The following AK8 variants were observed in gnomAD, a reference collection of about 807,000 sequenced individuals.
AK8 encodes adenylate kinase 8.
AK8 carries 44 observed loss-of-function variants against 54.6 expected under a neutral mutation model. That is an observed-to-expected ratio of 0.81 (90% CI 0.63 to 1.04). The LOEUF (loss-of-function observed/expected upper bound fraction) is 1.04, where lower values mean the gene tolerates loss of function less well. Ranked by LOEUF, AK8 falls within the 50% of genes least tolerant of loss-of-function variation. The pLI is 0.00. For missense variants in AK8, 555 were observed against 613.6 expected, an observed-to-expected ratio of 0.90 and a Z score of 1.01; for synonymous variants, 239 against 245.6, an observed-to-expected ratio of 0.97 and a Z score of 0.25.
At chr9:132,764,780 T>C (rs1838645786) in intron 11 of AK8, among the ~76,000 whole-genome samples, 1 of 152,180 alleles carries the variant, frequency 6.6e-6, no homozygotes, top group Non-Finnish European at 1.5e-5. Context: ...CACAATTCCT[T>C]TTGCACCAAC....
intron 4 of AK8, among the ~76,000 whole-genome samples, chr9:132,857,972 A>G (rs1369003337): frequency 6.6e-6 from 1 of 152,156 alleles, no homozygotes; most frequent in Non-Finnish European, 1.5e-5. Context: ...CTCCTTGCAG[A>G]GCACTGTGAT....
At chr9:132,838,437 C>A (rs1024331914) in intron 5 of AK8, among the ~76,000 whole-genome samples, 1 of 152,170 alleles carries the variant, frequency 6.6e-6, no homozygotes, top group Non-Finnish European at 1.5e-5. Flanking sequence ...AAAGGAAACA[C>A]CCCCGGCCAG....
At chr9:132,854,753 C>T (rs998602905) in intron 5 of AK8, 104 bp downstream of exon 5, 3 of 1,302,540 alleles carry the variant, frequency 2.3e-6, no homozygotes, top group Non-Finnish European at 2.2e-6. Flanking sequence ...GCCTGCCTTA[C>T]CTTCTCTTAT....
intron 5 of AK8, among the ~76,000 whole-genome samples, chr9:132,838,712 C>T (rs915965034): frequency 1.3e-5 from 2 of 152,206 alleles, no homozygotes; most frequent in Admixed American, 6.5e-5. Context: ...GCTACGGCCT[C>T]ATCCGTAGAA....
intron 12 of AK8, among the ~76,000 whole-genome samples, 172 bp downstream of exon 12, chr9:132,727,282 G>A (rs1003503708): frequency 6.6e-6 from 1 of 152,136 alleles, no homozygotes; most frequent in Non-Finnish European, 1.5e-5. Context: ...AGGCAAAGAC[G>A]GTCAACAGAT....
chr9:132,827,820 C>T, intron 7 of AK8, 193 bp downstream of exon 7: 1 of 581,908 alleles, frequency 1.7e-6, no homozygotes, highest in Non-Finnish European at 3.0e-6. Flanking sequence ...CCTAAACAGG[C>T]CTCCATTTCC....
intron 10 of AK8, among the ~76,000 whole-genome samples, chr9:132,802,693 A>C (rs1840521551): frequency 6.6e-6 from 1 of 152,172 alleles, no homozygotes. Flanking sequence ...AAAACCAAGG[A>C]ATCAAGCTGA....
chr9:132,742,849 G>A (rs190306397), intron 11 of AK8, among the ~76,000 whole-genome samples: 39 of 152,326 alleles, frequency 2.6e-4, no homozygotes, highest in Admixed American at 1.9e-3. Context: ...CTTGAGAGGC[G>A]GGGGTGTCAT....
chr9:132,863,607 G>A, intron 4 of AK8, 58 bp downstream of exon 4: 1 of 1,176,890 alleles, frequency 8.5e-7, no homozygotes, highest in Non-Finnish European at 1.3e-6. Flanking sequence ...GGTGGCAGTG[G>A]GTGTGGCAGT....
chr9:132,746,330 G>A (rs1478238874), intron 11 of AK8, among the ~76,000 whole-genome samples: 1 of 152,130 alleles, frequency 6.6e-6, no homozygotes. Context: ...CCACTTTTGC[G>A]AGTAGGGCCT....
chr9:132,807,453 A>G (rs1840777253), intron 10 of AK8, among the ~76,000 whole-genome samples: 1 of 152,214 alleles, frequency 6.6e-6, no homozygotes, highest in Admixed American at 6.5e-5. Flanking sequence ...AGCAAGGACA[A>G]GATCTGCCTT....
intron 6 of AK8, 81 bp from the exon 7 acceptor site, chr9:132,828,165 G>C (rs971751195): frequency 1.4e-5 from 18 of 1,282,656 alleles, no homozygotes; most frequent in Non-Finnish European, 1.8e-5. Context: ...ACCAATACTT[G>C]CTTTACGTTT....
At chr9:132,855,139 T>C (rs1324431955) in intron 4 of AK8, among the ~76,000 whole-genome samples, 3 of 152,044 alleles carry the variant, frequency 2.0e-5, no homozygotes, top group Admixed American at 1.3e-4. Context: ...ACTCACCTTA[T>C]CCTGTGCCCA....
Position 132,826,972 on chromosome 9 carries a change from C to A in AK8, c.639G>T (p.Leu213=), listed in dbSNP as rs1287493548. 2 of 1,614,150 alleles carry A rather than the reference C, an allele frequency of 1.2e-6. No homozygotes were observed. The highest frequency in any genetic ancestry group is 1.7e-6 in the Non-Finnish European group (2 of 1,180,058). Residue 213 remains leucine (L), a synonymous_variant, in exon 8 of 13, where the codon CTG becomes CTT. Transcript: ENST00000298545. This position sits in a 1 kb window ranked among gnomAD's most constrained non-coding sequence, Gnocchi z 4.5. ...ACTCCAGCAGTTTCTGAGCCGTCTC[C>A]AGCTCTGAGATGTCCTCTGGCACCA... ...RLMVPEDISE[L]ETAQKLLEYH...
chr9:132,801,958 G>A (rs1196258025), intron 10 of AK8, among the ~76,000 whole-genome samples: 1 of 152,216 alleles, frequency 6.6e-6, no homozygotes, highest in Non-Finnish European at 1.5e-5. Flanking sequence ...GCTGCCACCT[G>A]ACTTTTAGGA....
intron 10 of AK8, among the ~76,000 whole-genome samples, chr9:132,795,457 G>A (rs1268872856): frequency 6.6e-6 from 1 of 152,172 alleles, no homozygotes; most frequent in African/African-American, 2.4e-5. Context: ...GAGACCTTGT[G>A]TTTTCTTGCC....
At chr9:132,782,105 C>T (rs1024037114) in intron 11 of AK8, among the ~76,000 whole-genome samples, 1 of 152,160 alleles carries the variant, frequency 6.6e-6, no homozygotes, top group Non-Finnish European at 1.5e-5. Context: ...GTCTTTAGAA[C>T]GTGATTTTCA....
In AK8 at chr9:132,799,537, A is replaced by G. The variant is rs911389122; in HGVS notation, c.980-6762T>C. Among the ~76,000 whole-genome samples, 1 of 151,892 alleles carries G rather than the reference A, an allele frequency of 6.6e-6. No homozygotes were observed. Among genetic ancestry groups the G allele is most frequent in the African/African-American group, 2.4e-5 (1 of 41,304 alleles). On this transcript the variant is annotated intron_variant, in intron 10 of 12. Coordinates refer to ENST00000298545, the MANE Select transcript of AK8 (RefSeq NM_152572.3). This position sits in a 1 kb window ranked among gnomAD's most constrained non-coding sequence, Gnocchi z 5.0. Reference sequence around the variant, plus strand: ...CATGTCTACACACACGACACCTGACACACTACAACACACACAGGCACGCAC... The same window carrying G: ...CATGTCTACACACACGACACCTGACGCACTACAACACACACAGGCACGCAC...
Position 132,770,410 on chromosome 9 carries a change from G to A in AK8, c.1121+22224C>T, listed in dbSNP as rs1442684657. Among the ~76,000 whole-genome samples, 2 of 150,606 alleles carry A rather than the reference G, an allele frequency of 1.3e-5. No individual in the cohort carries two copies. The stretch of plus-strand genomic sequence containing the variant: ...CTCTGGGTTTGACTTTCATGGCTAT[G>A]AATCTCGGAATGAATAAAGAGCCCA... On this transcript the variant is annotated intron_variant, in intron 11 of 12. Transcript: ENST00000298545. This position sits in a 1 kb window ranked among gnomAD's most constrained non-coding sequence, Gnocchi z 4.3.
Sources: allele counts gnomAD v4.1 joint callset (sites outside exome capture counted in the v4.1 genomes callset), GRCh38; gene constraint gnomAD v4.1.1; non-coding constraint Gnocchi (gnomAD v3.1); transcripts MANE v1.5; gene names NCBI Gene and HGNC (gene_info 2026-07-23, HGNC 2026-07-21).